The following PTPRD variants were observed in gnomAD, a reference collection of about 807,000 sequenced individuals.
PTPRD encodes the protein protein tyrosine phosphatase receptor type D.
In PTPRD, 34 loss-of-function variants were observed where a neutral mutation model predicts 214.5. That is an observed-to-expected ratio of 0.16 (90% confidence interval 0.12 to 0.21). The LOEUF (loss-of-function observed/expected upper bound fraction) is 0.21, where lower values mean the gene tolerates loss of function less well. Among genes scored for constraint, PTPRD ranks in the 10% least tolerant of loss-of-function variants. The pLI is 1.00. For synonymous variants in PTPRD, 1,128 were observed against 845.7 expected (o/e 1.33, Z -5.79); for missense variants, 2,545 against 2,398.7 (o/e 1.06, Z -1.27).
intron 7 of PTPRD, among the ~76,000 whole-genome samples, chr9:9,614,048 A>C (rs1037609350): frequency 6.6e-6 from 1 of 152,040 alleles, no homozygotes; most frequent in Non-Finnish European, 1.5e-5. Flanking sequence ...AATACAATGT[A>C]CTCAGTACAG....
At position 9,897,705 on chromosome 9, in the gene PTPRD, A is replaced by T. The variant is rs188932355; in HGVS notation, c.-368+40802T>A. On this transcript the variant is annotated intron_variant, in intron 5 of 45. Coordinates refer to ENST00000381196, the MANE Select transcript of PTPRD (RefSeq NM_002839.4). Reference sequence around the variant, plus strand: ...GATTAGGATTTTACTCAAACATAATAATTTTACATACAATATATTATTTTT... The same window carrying T: ...GATTAGGATTTTACTCAAACATAATTATTTTACATACAATATATTATTTTT... Among the ~76,000 whole-genome samples the T allele has an allele frequency of 4.6e-5, 7 of 152,254 alleles. No individual in the cohort carries two copies. In the East Asian group the frequency reaches 1.4e-3, roughly 29 times the overall value.
chr9:8,860,579 C>G (rs2098084021), intron 11 of PTPRD: 1 of 152,200 alleles, frequency 6.6e-6, no homozygotes, highest in Non-Finnish European at 1.5e-5. Context: ...GCCAAAGTTT[C>G]TCTGCACATC....
In PTPRD at chr9:9,068,760, T is replaced by C. The variant is rs539204037; in HGVS notation, c.-142-50025A>G. Reference sequence around the variant, plus strand: ...CCTAGTAGCTGGGATTACAGGCGCGTGTCACCATACCTAGCTAATTTTTGT... The same window carrying C: ...CCTAGTAGCTGGGATTACAGGCGCGCGTCACCATACCTAGCTAATTTTTGT... On this transcript the variant is annotated intron_variant, in intron 10 of 45. Transcript: ENST00000381196. Among the ~76,000 whole-genome samples, 6 of 152,116 alleles carry C rather than the reference T, an allele frequency of 3.9e-5. No homozygotes were observed. The South Asian group carries it at 1.0e-3, about 26-fold the overall frequency.
At chr9:9,025,581 A>G (rs1304073565) in intron 10 of PTPRD, among the ~76,000 whole-genome samples, 1 of 152,034 alleles carries the variant, frequency 6.6e-6, no homozygotes, top group African/African-American at 2.4e-5. Flanking sequence ...ACCAACAATG[A>G]AGAGAACTGA....
At chr9:8,831,755 A>G (rs1363829540) in intron 11 of PTPRD, among the ~76,000 whole-genome samples, 2 of 152,318 alleles carry the variant, frequency 1.3e-5, no homozygotes, top group African/African-American at 2.4e-5. Context: ...TGGTTTCAAC[A>G]CTGTATCACT....
rs115220476 is a variant in PTPRD, at chr9:10,112,651, C to A, written c.-544-78861G>T. 1.9e-3 allele frequency among the ~76,000 whole-genome samples: 294 copies of A among 152,150 alleles called. 2 individuals carry two copies. Among genetic ancestry groups the A allele is most frequent in the African/African-American group, 6.7e-3 (277 of 41,510 alleles). On this transcript the variant is annotated intron_variant, in intron 3 of 45. Transcript: ENST00000381196. ...TCTCAGATAAAGTTAATTTGTTGGA[C>A]CCAGATTCTAAAAGTCACGGTAAGG...
At chr9:9,795,085 T>A (rs988329979) in intron 5 of PTPRD, among the ~76,000 whole-genome samples, 4 of 152,214 alleles carry the variant, frequency 2.6e-5, no homozygotes, top group African/African-American at 9.6e-5. Context: ...GGGCTTCACA[T>A]GATCATATAT....
chr9:10,254,071 C>A (rs938248430), intron 3 of PTPRD, among the ~76,000 whole-genome samples: 2 of 152,162 alleles, frequency 1.3e-5, no homozygotes, highest in African/African-American at 4.8e-5. Context: ...GCAAATTTTG[C>A]AAAAGGAGCT....
chr9:9,007,357 A>T (rs996376138), intron 11 of PTPRD, among the ~76,000 whole-genome samples: 36 of 151,546 alleles, frequency 2.4e-4, no homozygotes, highest in African/African-American at 8.7e-4. Flanking sequence ...AGGAACAAGG[A>T]GGGTGTAGTC....
chr9:8,681,907 T>G (rs2097557433), intron 12 of PTPRD, among the ~76,000 whole-genome samples: 1 of 152,202 alleles, frequency 6.6e-6, no homozygotes, highest in African/African-American at 2.4e-5. Flanking sequence ...ACCAGTACAT[T>G]ACTTCAGCTC....
intron 11 of PTPRD, among the ~76,000 whole-genome samples, chr9:8,966,930 AAAC>A (rs948807860): frequency 1.8e-4 from 28 of 151,752 alleles, no homozygotes; most frequent in African/African-American, 5.3e-4. Context: ...ACAAACAAAC[AAAC>A]AACAAAACAA....
chr9:9,305,495 G>A (rs951845965), intron 9 of PTPRD, among the ~76,000 whole-genome samples: 2 of 151,998 alleles, frequency 1.3e-5, no homozygotes, highest in Admixed American at 6.6e-5. Flanking sequence ...GCACACCCTT[G>A]CTTAACTCTA....
chr9:10,213,123 G>A (rs1288160836), intron 3 of PTPRD, among the ~76,000 whole-genome samples: 1 of 152,078 alleles, frequency 6.6e-6, no homozygotes, highest in Non-Finnish European at 1.5e-5. Context: ...TAAGTTTATT[G>A]TATCATGAAA....
chr9:8,690,998 T>G (rs2097789055), intron 12 of PTPRD, among the ~76,000 whole-genome samples: 1 of 152,168 alleles, frequency 6.6e-6, no homozygotes, highest in Non-Finnish European at 1.5e-5. Flanking sequence ...TTCACAAAAG[T>G]AAGCCTCTGA....
chr9:9,472,223 G>T (rs1416867183), intron 8 of PTPRD, among the ~76,000 whole-genome samples: 2 of 119,002 alleles, frequency 1.7e-5, no homozygotes, highest in Non-Finnish European at 3.3e-5. Flanking sequence ...TTGAGACGGA[G>T]TCTTGCTCTG....
intron 3 of PTPRD, among the ~76,000 whole-genome samples, chr9:10,323,743 A>G (rs1216254996): frequency 2.0e-5 from 3 of 151,984 alleles, no homozygotes; most frequent in Non-Finnish European, 4.4e-5. Flanking sequence ...AAGACGATTT[A>G]TGCATACTTT....
At chr9:9,519,287 A>G (rs2096908668) in intron 8 of PTPRD, among the ~76,000 whole-genome samples, 1 of 134,966 alleles carries the variant, frequency 7.4e-6, no homozygotes, top group Non-Finnish European at 1.7e-5. Context: ...CCATATAAAA[A>G]CAGGAAAAAA....
intron 4 of PTPRD, among the ~76,000 whole-genome samples, chr9:9,946,731 A>C (rs1344493388): frequency 6.6e-6 from 1 of 152,274 alleles, no homozygotes; most frequent in African/African-American, 2.4e-5. Flanking sequence ...CCTCTAATGT[A>C]GTAACAGACA....
At chr9:9,051,434 G>T (rs549085273) in intron 10 of PTPRD, among the ~76,000 whole-genome samples, 5 of 152,090 alleles carry the variant, frequency 3.3e-5, no homozygotes, top group Non-Finnish European at 7.4e-5. Context: ...ATCTCTACAT[G>T]CATTGATCTA....
Sources: gnomAD v4.1 joint callset for allele counts (sites outside exome capture counted in the v4.1 genomes callset) on GRCh38, gnomAD v4.1.1 for gene constraint, MANE v1.5 for transcripts, NCBI Gene and HGNC (gene_info 2026-07-23, HGNC 2026-07-21) for gene names.